The following EPB41L1 variants were observed in gnomAD, a reference collection of about 807,000 sequenced individuals.
EPB41L1 encodes the protein erythrocyte membrane protein band 4.1 like 1, also known as band 4.1-like protein 1.
EPB41L1 carries 29 observed loss-of-function variants against 97.8 expected under a neutral mutation model. The ratio of observed to expected loss-of-function variants is 0.30; its 90% confidence interval spans 0.22 to 0.40. The LOEUF (loss-of-function observed/expected upper bound fraction) is 0.40, where lower values mean the gene tolerates loss of function less well. Ranked by LOEUF, EPB41L1 falls within the 10% of genes least tolerant of loss-of-function variation. EPB41L1 has a pLI of 1.00. For synonymous variants in EPB41L1, 383 were observed against 459.2 expected (o/e 0.83, Z 2.12); for missense variants, 812 against 1,162.3 (o/e 0.70, Z 4.38).
At chr20:36,222,163 G>A in intron 20 of EPB41L1, 115 bp from the exon 21 acceptor site, 3 of 1,055,004 alleles carry the variant, frequency 2.8e-6, no homozygotes, top group Non-Finnish European at 4.4e-6. Flanking sequence ...GTTTGACTTT[G>A]CCCCTCTCTG....
chr20:36,202,016 T>G (rs1275113943), intron 14 of EPB41L1, among the ~76,000 whole-genome samples: 1 of 152,202 alleles, frequency 6.6e-6, no homozygotes, highest in Non-Finnish European at 1.5e-5. Flanking sequence ...ATACTTCTAC[T>G]CTATGAATTT....
rs182882358 is a variant in EPB41L1, at chr20:36,108,758, T to G, written c.-64-3668T>G. 4.9e-3 allele frequency among the ~76,000 whole-genome samples: 749 copies of G among 152,254 alleles called. 10 individuals carry two copies. Among genetic ancestry groups the G allele is most frequent in the Non-Finnish European group, 4.5e-3 (305 of 68,010 alleles). On this transcript the variant is annotated intron_variant, in intron 1 of 19. Transcript: ENST00000202028. Reference sequence around the variant, plus strand: ...GCATTGTATTTCTATTTGACAACACTATTGTAGACAGAGTTGAGTTGGGCA... The same window carrying G: ...GCATTGTATTTCTATTTGACAACACGATTGTAGACAGAGTTGAGTTGGGCA...
intron 11 of EPB41L1, among the ~76,000 whole-genome samples, chr20:36,192,834 G>A (rs2062023255): frequency 1.3e-5 from 2 of 152,206 alleles, no homozygotes; most frequent in Admixed American, 1.3e-4. Context: ...ATTAAGTCTA[G>A]AAGGGACAGA....
intron 14 of EPB41L1, among the ~76,000 whole-genome samples, chr20:36,202,830 A>T (rs930315197): frequency 6.7e-6 from 1 of 148,890 alleles, no homozygotes; most frequent in East Asian, 2.0e-4. Flanking sequence ...AAAAAAAAAA[A>T]GGCAGGCCCC....
intron 2 of EPB41L1, among the ~76,000 whole-genome samples, chr20:36,119,926 C>T (rs1016476496): frequency 1.3e-5 from 2 of 152,134 alleles, no homozygotes; most frequent in Non-Finnish European, 2.9e-5. Flanking sequence ...GTACCCTCTG[C>T]GCTGGTCACA....
intron 21 of EPB41L1, among the ~76,000 whole-genome samples, chr20:36,223,218 G>A (rs1041419734): frequency 2.0e-5 from 3 of 152,160 alleles, no homozygotes; most frequent in Admixed American, 6.5e-5. Flanking sequence ...ATTTTCAGTA[G>A]AGACGGGGTT....
At chr20:36,198,478 G>C (rs2062326626) in intron 14 of EPB41L1, among the ~76,000 whole-genome samples, 1 of 152,214 alleles carries the variant, frequency 6.6e-6, no homozygotes, top group African/African-American at 2.4e-5. Context: ...ACCAGACCCT[G>C]TTGTGCCTAT....
intron 2 of EPB41L1, chr20:36,125,364 C>T (rs2058921503): frequency 1.6e-5 from 11 of 697,074 alleles, no homozygotes; most frequent in Middle Eastern, 2.3e-4. Flanking sequence ...CCTTATCAAC[C>T]GTGTGACTTC....
rs55990020 is a variant in EPB41L1 at position 36,188,581 on chromosome 20, A to AACACACACAC, written c.1026+134_1026+143dup. Reference sequence around the variant, plus strand: ...CCCTGGCAGCTGGGCCTGGACTGCCAACACACACACACACACACACACACA... The same window carrying AACACACACAC: ...CCCTGGCAGCTGGGCCTGGACTGCCAACACACACACACACACACACACACACACACACACA... On this transcript the variant is annotated intron_variant, in intron 9 of 21. Transcript: ENST00000338074. The AACACACACAC allele has an allele frequency of 1.7e-3, 794 of 467,364 alleles. 12 individuals are homozygous for AACACACACAC. The highest frequency in any genetic ancestry group is 0.01 in the African/African-American group (281 of 27,612). The allele number at this position is 467,364 out of a possible 1,614,324, so 29.0% of individuals were successfully genotyped here. A position where few individuals can be genotyped will look rare whatever the true frequency, so the allele number is the denominator to read the frequency against.
intron 21 of EPB41L1, among the ~76,000 whole-genome samples, chr20:36,228,119 C>T (rs1053228540): frequency 6.6e-6 from 1 of 152,162 alleles, no homozygotes; most frequent in East Asian, 1.9e-4. Flanking sequence ...CGTTAGCACT[C>T]GACTGCATGC....
intron 1 of EPB41L1, chr20:36,155,587 G>C (rs563945172): frequency 2.2e-6 from 1 of 456,394 alleles, no homozygotes; most frequent in Non-Finnish European, 4.4e-6. Flanking sequence ...CAGCCATTGG[G>C]GTACTTACTG....
In EPB41L1 at chr20:36,188,633, CACACACACAGAGAG is replaced by C. The variant is rs1194275022; in HGVS notation, c.1026+136_1026+149del. 45 of 587,448 alleles carry C rather than the reference CACACACACAGAGAG, an allele frequency of 7.7e-5. No homozygotes were observed. In the African/African-American group the frequency reaches 1.1e-3, roughly 14 times the overall value. The allele number at this position is 587,448 out of a possible 1,614,324, so 36.4% of individuals were successfully genotyped here. A position where few individuals can be genotyped will look rare whatever the true frequency, so the allele number is the denominator to read the frequency against. ...ACACACACACACACACACACACACACACACACACAGAGAGAGAGAGAGAGAGAGAGAGAGAGGAG... is the reference window on the plus strand; with the variant it reads ...ACACACACACACACACACACACACACAGAGAGAGAGAGAGAGAGAGAGGAG... On this transcript the variant is annotated intron_variant, in intron 9 of 21. Coordinates refer to ENST00000338074, the MANE Select transcript of EPB41L1 (RefSeq NM_012156.2).
intron 9 of EPB41L1, among the ~76,000 whole-genome samples, chr20:36,188,878 CAA>C (rs536424227): frequency 3.8e-4 from 29 of 76,872 alleles, no homozygotes; most frequent in Admixed American, 1.0e-3. Context: ...GACTCTGTCT[CAA>C]AAAAAAAAAA....
intron 2 of EPB41L1, among the ~76,000 whole-genome samples, chr20:36,127,515 A>G (rs6142512): frequency 0.2 from 29,881 of 151,996 alleles, 3,121 homozygotes; most frequent in Middle Eastern, 0.27. Flanking sequence ...CCCCTTGCTC[A>G]TTCGTCTTTC....
chr20:36,168,281 C>T (rs938373263), intron 1 of EPB41L1, among the ~76,000 whole-genome samples: 1 of 152,238 alleles, frequency 6.6e-6, no homozygotes, highest in Non-Finnish European at 1.5e-5. Flanking sequence ...TAAGTACAGG[C>T]GCTGTCAGCA....
Position 36,212,128 on chromosome 20 carries a change from T to G in EPB41L1, c.2080-144T>G. On this transcript the variant is annotated intron_variant, in intron 15 of 21. Coordinates refer to ENST00000338074, the MANE Select transcript of EPB41L1 (RefSeq NM_012156.2). This position sits in a 1 kb window ranked among gnomAD's most constrained non-coding sequence, Gnocchi z 4.8. Reference sequence around the variant, plus strand: ...GTCTATGATATCACACCACAACTCTTTTACCCTGTCCAGAGTACCCTTCCA... The same window carrying G: ...GTCTATGATATCACACCACAACTCTGTTACCCTGTCCAGAGTACCCTTCCA... 1 of 797,296 alleles carries G rather than the reference T, an allele frequency of 1.3e-6. No individual in the cohort carries two copies. The highest frequency in any genetic ancestry group is 2.1e-6 in the Non-Finnish European group (1 of 469,424). The allele number at this position is 797,296 out of a possible 1,614,324, so 49.4% of individuals were successfully genotyped here. A position where few individuals can be genotyped will look rare whatever the true frequency, so the allele number is the denominator to read the frequency against.
intron 14 of EPB41L1, among the ~76,000 whole-genome samples, chr20:36,200,565 G>T (rs1469938099): frequency 6.6e-6 from 1 of 152,198 alleles, no homozygotes; most frequent in Non-Finnish European, 1.5e-5. Context: ...GAGTCTAAAT[G>T]ATATGGCTCC....
chr20:36,193,708 G>T (rs1487380326), intron 11 of EPB41L1, among the ~76,000 whole-genome samples: 2 of 152,208 alleles, frequency 1.3e-5, no homozygotes, highest in African/African-American at 4.8e-5. Context: ...AGTAAAGCTA[G>T]TCTCACAATA....
At chr20:36,210,724 A>C (rs2063083721) in intron 15 of EPB41L1, among the ~76,000 whole-genome samples, 1 of 151,928 alleles carries the variant, frequency 6.6e-6, no homozygotes, top group Non-Finnish European at 1.5e-5. Context: ...GGGCAGAAAT[A>C]TCGCCCCCCT....
Sources: gnomAD v4.1 joint callset for allele counts (sites outside exome capture counted in the v4.1 genomes callset) on GRCh38, gnomAD v4.1.1 for gene constraint, Gnocchi (gnomAD v3.1) non-coding constraint, MANE v1.5 for transcripts, NCBI Gene and HGNC (gene_info 2026-07-23, HGNC 2026-07-21) for gene names.